PDE11A: variants seen among roughly 807,000 people sequenced by gnomAD.
The protein encoded by PDE11A is dual 3',5'-cyclic-AMP and -GMP phosphodiesterase 11A.
PDE11A carries 100 observed loss-of-function variants against 100.5 expected under a neutral mutation model. The ratio of observed to expected loss-of-function variants is 1.00; its 90% CI spans 0.85 to 1.18. The LOEUF is 1.18. PDE11A is among the 50% of genes most tolerant of loss of function. PDE11A has a pLI of 0.00. For missense variants in PDE11A, 1,141 were observed against 1,152.6 expected, an observed-to-expected ratio of 0.99 and a Z score of 0.15; for synonymous variants, 381 against 420.8, an observed-to-expected ratio of 0.91 and a Z score of 1.16.
At chr2:177,649,861 A>T (rs1381162416) in intron 19 of PDE11A, among the ~76,000 whole-genome samples, 1 of 152,204 alleles carries the variant, frequency 6.6e-6, no homozygotes, top group Non-Finnish European at 1.5e-5. Flanking sequence ...ATTTAGCAAT[A>T]AAAAATTTAA....
At chr2:177,844,327 C>A (rs1206011537) in intron 5 of PDE11A, among the ~76,000 whole-genome samples, 1 of 151,996 alleles carries the variant, frequency 6.6e-6, no homozygotes, top group African/African-American at 2.4e-5. Flanking sequence ...TCTCTGGGGC[C>A]TCTTTTATAA....
chr2:177,915,975 G>T (rs2084946258), intron 2 of PDE11A, among the ~76,000 whole-genome samples: 1 of 152,172 alleles, frequency 6.6e-6, no homozygotes, highest in Non-Finnish European at 1.5e-5. Flanking sequence ...TGGCTGGCTT[G>T]TGGCCTGTCT....
At chr2:177,636,356 C>A (rs1036080841) in intron 19 of PDE11A, among the ~76,000 whole-genome samples, 3 of 152,124 alleles carry the variant, frequency 2.0e-5, no homozygotes, top group Non-Finnish European at 4.4e-5. Flanking sequence ...TGATTTTACT[C>A]CCTCTCTGAA....
At chr2:177,870,110 G>C (rs373099701) in intron 5 of PDE11A, among the ~76,000 whole-genome samples, 90 of 152,272 alleles carry the variant, frequency 5.9e-4, no homozygotes, top group African/African-American at 2.1e-3. Flanking sequence ...TGCATAACTT[G>C]ACATGTGTTA....
chr2:177,786,957 A>G (rs1450076468), intron 9 of PDE11A, among the ~76,000 whole-genome samples: 3 of 149,948 alleles, frequency 2.0e-5, no homozygotes, highest in Non-Finnish European at 4.4e-5. Flanking sequence ...AAGTTGGAAA[A>G]CACTCTGCAG....
At chr2:177,665,902 G>C (rs1449895887) in intron 18 of PDE11A, among the ~76,000 whole-genome samples, 1 of 150,830 alleles carries the variant, frequency 6.6e-6, no homozygotes, top group Non-Finnish European at 1.5e-5. Context: ...CTATAGTTCT[G>C]TCTAAAATTT....
At chr2:177,835,455 A>G (rs1210379063) in intron 6 of PDE11A, among the ~76,000 whole-genome samples, 1 of 152,206 alleles carries the variant, frequency 6.6e-6, no homozygotes, top group African/African-American at 2.4e-5. Flanking sequence ...GGGAAAAGTT[A>G]ATTTCCCAGA....
At chr2:177,845,435 C>A (rs1193757484) in intron 5 of PDE11A, among the ~76,000 whole-genome samples, 2 of 150,032 alleles carry the variant, frequency 1.3e-5, no homozygotes, top group African/African-American at 4.9e-5. Flanking sequence ...AGACGATGGG[C>A]GGCCGGGCAG....
intron 10 of PDE11A, among the ~76,000 whole-genome samples, chr2:177,769,057 T>A (rs1035697298): frequency 6.6e-6 from 1 of 152,172 alleles, no homozygotes; most frequent in African/African-American, 2.4e-5. Flanking sequence ...CTCACCATAT[T>A]ATAGACTTTT....
intron 2 of PDE11A, among the ~76,000 whole-genome samples, chr2:177,917,969 A>G (rs1282788779): frequency 6.6e-6 from 1 of 152,248 alleles, no homozygotes; most frequent in East Asian, 1.9e-4. Flanking sequence ...TAAAATGAAT[A>G]TTATAAGTGT....
intron 13 of PDE11A, chr2:177,702,505 AG>A (rs1189182653): frequency 6.6e-6 from 1 of 152,150 alleles, no homozygotes; most frequent in Non-Finnish European, 1.5e-5. Flanking sequence ...CGATATTGAA[AG>A]GGCAATTTGG....
chr2:177,897,936 C>T (rs1487251780), intron 4 of PDE11A, 122 bp downstream of exon 4: 2 of 806,874 alleles, frequency 2.5e-6, no homozygotes, highest in Non-Finnish European at 4.2e-6. Context: ...TGAAAAGTTG[C>T]CCCATGGTTG....
At chr2:177,768,471 T>C (rs1198514775) in intron 10 of PDE11A, among the ~76,000 whole-genome samples, 1 of 152,228 alleles carries the variant, frequency 6.6e-6, no homozygotes, top group Non-Finnish European at 1.5e-5. Context: ...TGTGGTAGCT[T>C]TTCCTGATAA....
At chr2:178,031,683 T>C (rs1178603428) in intron 1 of PDE11A, among the ~76,000 whole-genome samples, 1 of 152,084 alleles carries the variant, frequency 6.6e-6, no homozygotes, top group Non-Finnish European at 1.5e-5. Context: ...AAAAAATATA[T>C]ATCATATTAT....
At chr2:177,814,355 C>CA (rs1186901135) in intron 9 of PDE11A, among the ~76,000 whole-genome samples, 2 of 151,992 alleles carry the variant, frequency 1.3e-5, no homozygotes, top group East Asian at 3.9e-4. Flanking sequence ...TAGTAGCTCT[C>CA]AAAAAATCAC....
chr2:177,633,594 T>C lies in PDE11A; in HGVS notation c.2647-4032A>G, dbSNP rs1202053502. 2.6e-5 allele frequency among the ~76,000 whole-genome samples: 4 copies of C among 152,242 alleles called. No individual in the cohort carries two copies. In the East Asian group the frequency reaches 7.7e-4, roughly 29 times the overall value. ...CAAATTTACTAGTTATTTCATATGA[T>C]AATAAAACAAAGCAACATTGTAACT... On this transcript the variant is annotated intron_variant, in intron 19 of 19. Transcript: ENST00000286063.
intron 9 of PDE11A, among the ~76,000 whole-genome samples, chr2:177,796,187 G>C (rs1335740282): frequency 6.6e-6 from 1 of 151,888 alleles, no homozygotes; most frequent in African/African-American, 2.4e-5. Flanking sequence ...GTGTCTTTGT[G>C]ACACTCAGGT....
intron 2 of PDE11A, among the ~76,000 whole-genome samples, chr2:177,958,731 G>A (rs891293379): frequency 2.0e-5 from 3 of 152,194 alleles, no homozygotes; most frequent in South Asian, 4.1e-4. Flanking sequence ...GGGTTTAGTA[G>A]AGAAAAGTGC....
At chr2:177,757,025 A>G (rs1018317267) in intron 10 of PDE11A, among the ~76,000 whole-genome samples, 4 of 152,240 alleles carry the variant, frequency 2.6e-5, no homozygotes, top group African/African-American at 9.6e-5. Context: ...CATTTCAAAA[A>G]GGATCTTACA....
Sources: gnomAD v4.1 joint callset for allele counts (sites outside exome capture counted in the v4.1 genomes callset) on GRCh38, gnomAD v4.1.1 for gene constraint, MANE v1.5 for transcripts, NCBI Gene and HGNC (gene_info 2026-07-23, HGNC 2026-07-21) for gene names.